Variants in IL18R1 observed in about 807,000 individuals in gnomAD.
IL18R1 encodes the protein interleukin-18 receptor 1.
In IL18R1, 40 loss-of-function variants were observed where a neutral mutation model predicts 48.5. The observed-to-expected ratio is 0.82, with a 90% CI of 0.64 to 1.07. IL18R1 has a LOEUF of 1.07. IL18R1 is among the 50% of genes least tolerant of loss of function. IL18R1 has a pLI of 0.00. For synonymous variants in IL18R1, 232 were observed against 225.9 expected, an observed-to-expected ratio of 1.03 and a Z score of -0.24; for missense variants, 596 against 633.7, an observed-to-expected ratio of 0.94 and a Z score of 0.64.
rs1559633069 is a variant in IL18R1, at chr2:102,389,985, G to A, written c.950-71G>A. ...TAGTGTTAGCAGTAAAAATGGACAA[G>A]CACGTGATGATGGACAACACTGGTA... is the stretch of plus-strand genomic sequence containing the variant. On this transcript the variant is annotated intron_variant, in intron 8 of 10. Coordinates refer to ENST00000233957, the MANE Select transcript of IL18R1 (RefSeq NM_003855.5). 4.0e-6 allele frequency: 6 copies of A among 1,488,262 alleles called. No individual in the cohort carries two copies. The East Asian group carries it at 1.4e-4, about 34-fold the overall frequency. 92.2% of individuals were successfully genotyped at this position (1,488,262 alleles called of 1,614,324 possible). A position where few individuals can be genotyped will look rare whatever the true frequency, so the allele number is the denominator to read the frequency against.
Position 102,397,038 on chromosome 2 carries a change from G to A in IL18R1, c.*152G>A. ...GATGAAACTTGTCATTAGGTTGGCGGGAATGAGACTAAAGATTGCGCTGTG... is the reference window on the plus strand; with the variant it reads ...GATGAAACTTGTCATTAGGTTGGCGAGAATGAGACTAAAGATTGCGCTGTG... On this transcript the variant is annotated 3_prime_UTR_variant, in exon 11 of 11. Transcript: ENST00000233957. The A allele has an allele frequency of 1.7e-6, 1 of 594,856 alleles. No individual in the cohort carries two copies. Among genetic ancestry groups the A allele is most frequent in the Non-Finnish European group, 2.9e-6 (1 of 339,664 alleles). The allele number at this position is 594,856 out of a possible 1,614,324, so 36.8% of individuals were successfully genotyped here. A position where few individuals can be genotyped will look rare whatever the true frequency, so the allele number is the denominator to read the frequency against.
At position 102,362,686 on chromosome 2, in the gene IL18R1, C is replaced by T. The variant is rs1391311212; in HGVS notation, c.26C>T (p.Thr9Ile). ...ATGAATTGTAGAGAATTACCCTTGA[C>T]CCTTTGGGTGCTTATATCTGTAAGC... MNCRELPL[T>I]LWVLISVSTA... Residue 9 changes from threonine (T) to isoleucine (I), a missense_variant, in exon 2 of 11, where the codon ACC becomes ATC. Thr to Ile is a moderately conservative substitution (Grantham distance 89). Around this residue, in one of 3 missense-constraint regions of IL18R1, gnomAD observed 360 missense variants for 339.4 expected, o/e 1.06. Transcript: ENST00000233957. The T allele has an allele frequency of 1.2e-6, 2 of 1,607,130 alleles. No homozygotes were observed. The highest frequency in any genetic ancestry group is 1.1e-5 in the South Asian group (1 of 89,776).
chr2:102,385,007 G>T lies in IL18R1; in HGVS notation c.809+9G>T, dbSNP rs933732430. On this transcript the variant is annotated intron_variant, in intron 7 of 10. Transcript: ENST00000233957. Reference sequence around the variant, plus strand: ...AAAGAAATGAGAATTATGTATGTATGTGTAATATATATGTCATGATATATA... The same window carrying T: ...AAAGAAATGAGAATTATGTATGTATTTGTAATATATATGTCATGATATATA... 1.4e-6 allele frequency: 2 copies of T among 1,435,572 alleles called. No homozygotes were observed. Among genetic ancestry groups the T allele is most frequent in the South Asian group, 2.3e-5 (2 of 85,772 alleles). The allele number at this position is 1,435,572 out of a possible 1,614,324, so 88.9% of individuals were successfully genotyped here.
At position 102,393,077 on chromosome 2, in the gene IL18R1, C is replaced by A. The variant is rs4851004; in HGVS notation, c.1112-1392C>A. ...AATATAAACCCATATTTGATGAAATCGTCTTCCCAGTTTGTTGCAATCCAT... is the reference window on the plus strand; with the variant it reads ...AATATAAACCCATATTTGATGAAATAGTCTTCCCAGTTTGTTGCAATCCAT... On this transcript the variant is annotated intron_variant, in intron 9 of 10. Coordinates refer to ENST00000233957, the MANE Select transcript of IL18R1 (RefSeq NM_003855.5). Among the ~76,000 whole-genome samples, 128 of 152,020 alleles carry A rather than the reference C, an allele frequency of 8.4e-4. 1 individual carries two copies. The highest frequency in any genetic ancestry group is 2.7e-3 in the African/African-American group (113 of 41,484).
At chr2:102,386,678 C>G (rs1038502095) in intron 7 of IL18R1, among the ~76,000 whole-genome samples, 183 bp from the exon 8 acceptor site, 1 of 152,206 alleles carries the variant, frequency 6.6e-6, no homozygotes, top group African/African-American at 2.4e-5. Context: ...CTGTTTCTGT[C>G]AGTTCTGATG....
At chr2:102,373,137 C>T (rs1679367091) in intron 4 of IL18R1, among the ~76,000 whole-genome samples, 1 of 152,102 alleles carries the variant, frequency 6.6e-6, no homozygotes, top group Admixed American at 6.5e-5. Context: ...ATAAATTAAA[C>T]TTTTGTATAT....
chr2:102,388,515 T>C (rs1680374385), intron 8 of IL18R1, among the ~76,000 whole-genome samples: 1 of 152,200 alleles, frequency 6.6e-6, no homozygotes, highest in Non-Finnish European at 1.5e-5. Context: ...CAAATCTTTG[T>C]TGGACCATCA....
At chr2:102,371,702 C>T (rs939250219) in intron 3 of IL18R1, among the ~76,000 whole-genome samples, 5 of 151,950 alleles carry the variant, frequency 3.3e-5, no homozygotes, top group African/African-American at 4.8e-5. Flanking sequence ...TGCGTGTGTG[C>T]GTGTGCATGT....
intron 8 of IL18R1, 65 bp from the exon 9 acceptor site, chr2:102,389,991 G>C: frequency 6.5e-7 from 1 of 1,540,924 alleles, no homozygotes; most frequent in Non-Finnish European, 8.9e-7. Flanking sequence ...ACAAGCACGT[G>C]ATGATGGACA....
intron 10 of IL18R1, 92 bp downstream of exon 10, chr2:102,394,719 T>TA (rs1285903497): frequency 1.8e-6 from 2 of 1,118,356 alleles, no homozygotes; most frequent in African/African-American, 3.2e-5. Context: ...CCATTTTCCT[T>TA]AAAAACAAAT....
chr2:102,384,244 G>C (rs1363023506), intron 6 of IL18R1, among the ~76,000 whole-genome samples: 1 of 152,164 alleles, frequency 6.6e-6, no homozygotes, highest in Non-Finnish European at 1.5e-5. Flanking sequence ...TTGCTCTCCT[G>C]ATTACCATGA....
At chr2:102,371,310 C>T (rs1679246426) in intron 3 of IL18R1, among the ~76,000 whole-genome samples, 1 of 152,136 alleles carries the variant, frequency 6.6e-6, no homozygotes, top group Non-Finnish European at 1.5e-5. Flanking sequence ...CAGGTGTGAG[C>T]CACTGCACCT....
At chr2:102,368,790 A>G (rs976231580) in intron 3 of IL18R1, among the ~76,000 whole-genome samples, 1 of 152,022 alleles carries the variant, frequency 6.6e-6, no homozygotes, top group Non-Finnish European at 1.5e-5. Flanking sequence ...TTTTATAGAG[A>G]CTTGAGACTG....
intron 1 of IL18R1, among the ~76,000 whole-genome samples, chr2:102,357,571 T>G (rs1396410560): frequency 1.3e-5 from 2 of 148,564 alleles, no homozygotes; most frequent in African/African-American, 2.5e-5. Context: ...AGTCCAGGAG[T>G]GATGGAAACA....
chr2:102,373,466 G>A (rs1279084975), intron 4 of IL18R1, among the ~76,000 whole-genome samples: 1 of 151,842 alleles, frequency 6.6e-6, no homozygotes, highest in Non-Finnish European at 1.5e-5. Context: ...GTTGTGTGGG[G>A]TGGGAGGGTA....
intron 6 of IL18R1, among the ~76,000 whole-genome samples, chr2:102,383,171 C>A (rs1030980620): frequency 3.3e-5 from 5 of 152,146 alleles, no homozygotes; most frequent in Non-Finnish European, 2.9e-5. Context: ...TCATTTCAAC[C>A]TTTTGGAATT....
At chr2:102,376,115 A>T (rs779621024) in intron 5 of IL18R1, 52 bp downstream of exon 5, 1 of 1,441,912 alleles carries the variant, frequency 6.9e-7, no homozygotes, top group Admixed American at 2.4e-5. Flanking sequence ...AGTAAAATGG[A>T]ATTTTTTCAT....
chr2:102,375,905 A>C lies in IL18R1; in HGVS notation c.469-2A>C. 6.4e-7 allele frequency: 1 copy of C among 1,557,814 alleles called. No homozygotes were observed. ...TATTTTAACTTGTTTTATTAAAAACAGAACTGTAAAAAGCTACTACTGGAG... is the reference window on the plus strand; with the variant it reads ...TATTTTAACTTGTTTTATTAAAAACCGAACTGTAAAAAGCTACTACTGGAG... On this transcript the variant is annotated splice_acceptor_variant, in intron 4 of 10. Transcript: ENST00000233957. LOFTEE classifies it high-confidence loss of function.
intron 9 of IL18R1, among the ~76,000 whole-genome samples, chr2:102,390,607 C>T (rs1680504632): frequency 6.6e-6 from 1 of 152,094 alleles, no homozygotes; most frequent in Non-Finnish European, 1.5e-5. Context: ...TTATTTCAAC[C>T]TGGCAAAGGA....
Sources: allele counts gnomAD v4.1 joint callset (sites outside exome capture counted in the v4.1 genomes callset), GRCh38; gene constraint gnomAD v4.1.1; regional missense constraint gnomAD v4.1.1; transcripts MANE v1.5; gene names NCBI Gene and HGNC (gene_info 2026-07-23, HGNC 2026-07-21).